ATP2C1: variants seen among roughly 807,000 people sequenced by gnomAD.
The protein encoded by ATP2C1 is ATPase secretory pathway Ca2+ transporting 1.
ATP2C1 carries 31 observed loss-of-function variants against 120.5 expected under a neutral mutation model. The ratio of observed to expected loss-of-function variants is 0.26; its 90% confidence interval spans 0.19 to 0.35. ATP2C1 has a LOEUF of 0.35. ATP2C1 is among the 10% of genes least tolerant of loss of function. The pLI, the probability that ATP2C1 is intolerant of heterozygous loss-of-function variation, is 1.00. For missense variants in ATP2C1, 731 were observed against 1,107.5 expected, an observed-to-expected ratio of 0.66 and a Z score of 4.83; for synonymous variants, 351 against 358.7, an observed-to-expected ratio of 0.98 and a Z score of 0.24.
chr3:131,013,181 C>A (rs530521084), intron 26 of ATP2C1, among the ~76,000 whole-genome samples: 1 of 152,312 alleles, frequency 6.6e-6, no homozygotes, highest in African/African-American at 2.4e-5. Context: ...CTGGGTATTT[C>A]TAATTTTAGC....
intron 8 of ATP2C1, among the ~76,000 whole-genome samples, chr3:130,948,974 C>T (rs1334288941): frequency 1.3e-5 from 2 of 152,156 alleles, no homozygotes; most frequent in Non-Finnish European, 2.9e-5. Flanking sequence ...TCTACTGCTG[C>T]TCTGCCCGAC....
intron 16 of ATP2C1, 64 bp downstream of exon 16, chr3:130,967,483 C>A: frequency 7.4e-7 from 1 of 1,345,760 alleles, no homozygotes; most frequent in South Asian, 1.2e-5. Flanking sequence ...AATGCAGTGT[C>A]ATCAATTTCA....
In ATP2C1 at chr3:130,894,165, C is replaced by CCCCCAAACCCCCCCAA; in HGVS notation, c.-352_-351insCCCAAACCCCCCCAAC. The CCCCCAAACCCCCCCAA allele has an allele frequency of 1.2e-6, 1 of 826,312 alleles. No individual in the cohort carries two copies. The highest frequency in any genetic ancestry group is 1.5e-6 in the Non-Finnish European group (1 of 684,818). The allele number at this position is 826,312 out of a possible 1,614,324, so 51.2% of individuals were successfully genotyped here. A position where few individuals can be genotyped will look rare whatever the true frequency, so the allele number is the denominator to read the frequency against. On this transcript the variant is annotated 5_prime_UTR_variant, in exon 1 of 28. Transcript: ENST00000510168. The surrounding 1 kb of genome is among the most constrained non-coding windows in gnomAD (Gnocchi z 4.5). ...CCTCTTCTCTCCCCTCCCCGCCCGC[C>CCCCCAAACCCCCCCAA]CTCTCTCCCTCCCTTCCTCCCTCCC...
chr3:130,968,698 A>C (rs1364120457), intron 16 of ATP2C1, among the ~76,000 whole-genome samples: 2 of 152,178 alleles, frequency 1.3e-5, no homozygotes, highest in Non-Finnish European at 1.5e-5. Flanking sequence ...TTTCAGTAGA[A>C]AGTAGAAAGC....
intron 1 of ATP2C1, among the ~76,000 whole-genome samples, chr3:130,856,899 G>A (rs754880801): frequency 6.6e-6 from 1 of 152,242 alleles, no homozygotes; most frequent in African/African-American, 2.4e-5. Flanking sequence ...GCATGTGGGA[G>A]TTATTTACAT....
At chr3:130,884,716 T>G (rs903963554) in intron 1 of ATP2C1, among the ~76,000 whole-genome samples, 2 of 152,202 alleles carry the variant, frequency 1.3e-5, no homozygotes, top group African/African-American at 2.4e-5. Context: ...AATTGTTATA[T>G]CCTCTTGCTG....
intron 5 of ATP2C1, among the ~76,000 whole-genome samples, chr3:130,936,889 A>G (rs1305997016): frequency 1.3e-5 from 2 of 151,486 alleles, no homozygotes; most frequent in African/African-American, 2.4e-5. Flanking sequence ...TTTCCACCGT[A>G]TCTGTATGGG....
At chr3:130,954,025 A>G (rs2108550779) in intron 9 of ATP2C1, 49 bp downstream of exon 9, 4 of 1,596,704 alleles carry the variant, frequency 2.5e-6, no homozygotes, top group African/African-American at 1.3e-5. Context: ...GTTTGAAACT[A>G]TTTTCTCAAT....
At chr3:130,968,855 A>G (rs2061168285) in intron 16 of ATP2C1, among the ~76,000 whole-genome samples, 1 of 152,180 alleles carries the variant, frequency 6.6e-6, no homozygotes, top group African/African-American at 2.4e-5. Context: ...CAGGATATAA[A>G]GTGGCAGAGG....
intron 1 of ATP2C1, among the ~76,000 whole-genome samples, chr3:130,875,015 T>C (rs2669863): frequency 0.19 from 28,353 of 152,184 alleles, 2,776 homozygotes; most frequent in Middle Eastern, 0.27. Context: ...AATAGTTGTA[T>C]TTATTTATGC....
chr3:130,937,541 C>A, intron 6 of ATP2C1, 78 bp downstream of exon 6: 2 of 1,213,658 alleles, frequency 1.6e-6, no homozygotes, highest in South Asian at 1.2e-5. Flanking sequence ...TAGAACCTAC[C>A]GTTATTGGGG....
At chr3:130,867,268 C>G (rs1304770834) in intron 1 of ATP2C1, among the ~76,000 whole-genome samples, 1 of 151,952 alleles carries the variant, frequency 6.6e-6, no homozygotes, top group Non-Finnish European at 1.5e-5. Context: ...ATACATTCCT[C>G]TCTTTAAATC....
rs1417617670 is a variant in ATP2C1, at chr3:130,996,614, A to G, written c.2127-66A>G. The G allele has an allele frequency of 3.8e-6, 4 of 1,053,014 alleles. No individual in the cohort carries two copies. The Admixed American group carries it at 6.7e-5, about 18-fold the overall frequency. The allele number at this position is 1,053,014 out of a possible 1,614,324, so 65.2% of individuals were successfully genotyped here. A position where few individuals can be genotyped will look rare whatever the true frequency, so the allele number is the denominator to read the frequency against. Reference sequence around the variant, plus strand: ...AGTAAGAGATTTTTAAATGCTAAAAAAGTGGTATCATAGAATCAACAGATT... The same window carrying G: ...AGTAAGAGATTTTTAAATGCTAAAAGAGTGGTATCATAGAATCAACAGATT... On this transcript the variant is annotated intron_variant, in intron 23 of 27. Coordinates refer to ENST00000510168, the MANE Select transcript of ATP2C1 (RefSeq NM_001378687.1).
At chr3:130,960,332 A>C (rs907500772) in intron 12 of ATP2C1, among the ~76,000 whole-genome samples, 1 of 152,168 alleles carries the variant, frequency 6.6e-6, no homozygotes, top group African/African-American at 2.4e-5. Flanking sequence ...AATTCACTCA[A>C]GTACAAGGAG....
At chr3:130,851,271 G>A (rs1336636716) in intron 1 of ATP2C1, among the ~76,000 whole-genome samples, 2 of 152,190 alleles carry the variant, frequency 1.3e-5, no homozygotes, top group Non-Finnish European at 2.9e-5. Context: ...AACAAAGAAA[G>A]TATCAGACCC....
At chr3:130,881,569 T>C (rs1166197010) in intron 1 of ATP2C1, among the ~76,000 whole-genome samples, 1 of 152,166 alleles carries the variant, frequency 6.6e-6, no homozygotes, top group Non-Finnish European at 1.5e-5. Flanking sequence ...ATGTTTTCCA[T>C]GTTATTACTT....
chr3:130,862,959 A>G (rs921650805), intron 1 of ATP2C1, among the ~76,000 whole-genome samples: 1 of 152,196 alleles, frequency 6.6e-6, no homozygotes, highest in African/African-American at 2.4e-5. Flanking sequence ...CAAATTTTTA[A>G]CGAAACATAA....
At chr3:130,934,789 T>C (rs1176486708) in intron 5 of ATP2C1, 78 bp downstream of exon 5, 5 of 961,674 alleles carry the variant, frequency 5.2e-6, no homozygotes, top group Non-Finnish European at 8.1e-6. Flanking sequence ...GGAAAATAAA[T>C]TGAGAAGTGC....
chr3:130,885,032 C>T (rs951147588), intron 1 of ATP2C1, among the ~76,000 whole-genome samples: 3 of 149,820 alleles, frequency 2.0e-5, no homozygotes, highest in Non-Finnish European at 4.4e-5. Context: ...CTCCTGGGTT[C>T]AAGCGATTCT....
Sources: gnomAD v4.1 joint callset for allele counts (sites outside exome capture counted in the v4.1 genomes callset) on GRCh38, gnomAD v4.1.1 for gene constraint, Gnocchi (gnomAD v3.1) non-coding constraint, MANE v1.5 for transcripts, NCBI Gene and HGNC (gene_info 2026-07-23, HGNC 2026-07-21) for gene names.